The following DGKG variants were observed in gnomAD, a reference collection of about 807,000 sequenced individuals.
DGKG encodes diacylglycerol kinase gamma.
A neutral mutation model predicts 105.3 loss-of-function variants in DGKG; 78 were observed. The ratio of observed to expected loss-of-function variants is 0.74; its 90% confidence interval spans 0.62 to 0.89. The LOEUF is 0.89. Ranked by LOEUF, DGKG falls within the 40% of genes least tolerant of loss-of-function variation. The pLI is 0.00. For missense variants in DGKG, 958 were observed against 1,020.1 expected (o/e 0.94, Z 0.83); for synonymous variants, 346 against 367.1 (o/e 0.94, Z 0.66).
intron 20 of DGKG, among the ~76,000 whole-genome samples, chr3:186,217,704 C>T (rs1430434596): frequency 2.6e-5 from 4 of 152,208 alleles, no homozygotes; most frequent in African/African-American, 7.2e-5. Context: ...CAGTGAAACC[C>T]AGCTAGCTGC....
chr3:186,314,480 T>C (rs144264999), intron 2 of DGKG, among the ~76,000 whole-genome samples: 2 of 152,272 alleles, frequency 1.3e-5, no homozygotes, highest in African/African-American at 2.4e-5. Context: ...TCTGGCTGAG[T>C]GCGGTGGCTC....
At chr3:186,322,642 C>A (rs530488208) in intron 1 of DGKG, among the ~76,000 whole-genome samples, 1 of 152,204 alleles carries the variant, frequency 6.6e-6, no homozygotes, top group South Asian at 2.1e-4. Flanking sequence ...CACTCTACAT[C>A]CCTTCTCTGA....
intron 1 of DGKG, among the ~76,000 whole-genome samples, chr3:186,321,274 C>A (rs1243448934): frequency 6.6e-6 from 1 of 152,148 alleles, no homozygotes; most frequent in South Asian, 2.1e-4. Flanking sequence ...TCCTTTGAGC[C>A]TCTCATACTG....
At chr3:186,215,820 C>T (rs2108524422) in intron 20 of DGKG, among the ~76,000 whole-genome samples, 1 of 152,204 alleles carries the variant, frequency 6.6e-6, no homozygotes, top group African/African-American at 2.4e-5. Flanking sequence ...TATTGATTTC[C>T]CAGTGGCAGT....
chr3:186,260,339 G>C (rs1296202890), intron 16 of DGKG, 100 bp downstream of exon 16: 1 of 850,246 alleles, frequency 1.2e-6, no homozygotes, highest in Middle Eastern at 2.3e-4. Context: ...GAAGGAACAA[G>C]TTGAGAGACG....
At chr3:186,216,927 G>T (rs1719320390) in intron 20 of DGKG, among the ~76,000 whole-genome samples, 1 of 152,170 alleles carries the variant, frequency 6.6e-6, no homozygotes, top group African/African-American at 2.4e-5. Context: ...CCACTCACTG[G>T]CTGGGCAAGT....
At chr3:186,295,510 ATAATAATAATAATAATAG>A (rs1006627563) in intron 5 of DGKG, among the ~76,000 whole-genome samples, 2 of 148,522 alleles carry the variant, frequency 1.3e-5, no homozygotes, top group South Asian at 4.2e-4. Context: ...CAAAATAATA[ATAATAATAATAATAATAG>A]TAATAATAAT....
chr3:186,288,652 G>C, intron 6 of DGKG, 58 bp downstream of exon 6: 2 of 1,559,940 alleles, frequency 1.3e-6, no homozygotes, highest in Non-Finnish European at 1.8e-6. Flanking sequence ...ATAATGGATA[G>C]AACCCCAGAT....
rs1406952830 is a variant in DGKG at position 186,315,839 on chromosome 3, A to G, written c.67+4554T>C. ...CCTGAAATGTGGAGTCCGTTCCTCT[A>G]CTTCACTGAATGTGAGCCAGGCCTG... On this transcript the variant is annotated intron_variant, in intron 2 of 24. Transcript: ENST00000265022. Among the ~76,000 whole-genome samples, 5 of 152,122 alleles carry G rather than the reference A, an allele frequency of 3.3e-5. No individual in the cohort carries two copies. In the East Asian group the frequency reaches 9.6e-4, roughly 29 times the overall value.
At chr3:186,273,355 A>C (rs1478112296) in intron 10 of DGKG, among the ~76,000 whole-genome samples, 1 of 134,754 alleles carries the variant, frequency 7.4e-6, no homozygotes, top group Non-Finnish European at 1.6e-5. Flanking sequence ...CGCTGGGGAG[A>C]CTGTTGTACC....
intron 5 of DGKG, among the ~76,000 whole-genome samples, chr3:186,289,495 A>T (rs1352909259): frequency 6.6e-6 from 1 of 152,184 alleles, no homozygotes; most frequent in Non-Finnish European, 1.5e-5. Context: ...CTCCTTTCTA[A>T]GGTAGGAAAA....
At chr3:186,188,124 C>G in intron 22 of DGKG, 78 bp downstream of exon 22, 1 of 1,535,912 alleles carries the variant, frequency 6.5e-7, no homozygotes, top group Non-Finnish European at 8.9e-7. Flanking sequence ...TGGGGCCTTA[C>G]GAGGCCTGCT....
chr3:186,243,895 G>GTTTTTTTTTTTT lies in DGKG; in HGVS notation c.1762-1339_1762-1328dup, dbSNP rs34134152. ...CTATTTCTTATATGAAAATTTCTGT[G>GTTTTTTTTTTTT]TTTTTTTTTTTTTTTTTTGAGATGG... On this transcript the variant is annotated intron_variant, in intron 19 of 24. Coordinates refer to ENST00000265022, the MANE Select transcript of DGKG (RefSeq NM_001346.3). Among the ~76,000 whole-genome samples the GTTTTTTTTTTTT allele has an allele frequency of 3.0e-4, 35 of 116,320 alleles. 1 individual carries two copies. The highest frequency in any genetic ancestry group is 1.2e-3 in the African/African-American group (33 of 27,560). The allele number at this position is 116,320 out of a possible 152,430, so 76.3% of individuals were successfully genotyped here.
chr3:186,249,118 G>A (rs548341007), intron 19 of DGKG, among the ~76,000 whole-genome samples: 1 of 152,114 alleles, frequency 6.6e-6, no homozygotes, highest in Non-Finnish European at 1.5e-5. Flanking sequence ...AAGGAGAGGG[G>A]CCTTTGAGCA....
At chr3:186,344,944 AT>A (rs1442449823) in intron 1 of DGKG, among the ~76,000 whole-genome samples, 4 of 152,144 alleles carry the variant, frequency 2.6e-5, no homozygotes, top group Non-Finnish European at 4.4e-5. Context: ...TTTCAGTAGT[AT>A]TCATTATATT....
At chr3:186,295,010 C>T (rs1412907034) in intron 5 of DGKG, among the ~76,000 whole-genome samples, 1 of 152,178 alleles carries the variant, frequency 6.6e-6, no homozygotes, top group Non-Finnish European at 1.5e-5. Context: ...GCTCTGCTTT[C>T]CATCTATCAT....
At chr3:186,262,854 C>T (rs1423074300) in intron 14 of DGKG, among the ~76,000 whole-genome samples, 1 of 152,176 alleles carries the variant, frequency 6.6e-6, no homozygotes, top group Non-Finnish European at 1.5e-5. Context: ...TTTGGCTGGG[C>T]ATGATCACTC....
chr3:186,232,129 T>A (rs1361512064), intron 20 of DGKG, among the ~76,000 whole-genome samples: 1 of 152,208 alleles, frequency 6.6e-6, no homozygotes, highest in East Asian at 1.9e-4. Context: ...AATAGTTATT[T>A]CAATTGTGAA....
chr3:186,309,801 T>A (rs549389738), intron 2 of DGKG, among the ~76,000 whole-genome samples: 21 of 152,312 alleles, frequency 1.4e-4, no homozygotes, highest in African/African-American at 4.3e-4. Flanking sequence ...TTCCTTTGAT[T>A]CTAAAGAGCT....
Sources: gnomAD v4.1 joint callset for allele counts (sites outside exome capture counted in the v4.1 genomes callset) on GRCh38, gnomAD v4.1.1 for gene constraint, MANE v1.5 for transcripts, NCBI Gene and HGNC (gene_info 2026-07-23, HGNC 2026-07-21) for gene names.